CHD6: variants seen among roughly 807,000 people sequenced by gnomAD.
CHD6 encodes ATP-dependent chromatin remodeler CHD6.
In CHD6, 50 loss-of-function variants were observed where a neutral mutation model predicts 276.9. That is an observed-to-expected ratio of 0.18 (90% CI 0.14 to 0.23). The LOEUF is 0.23. Among genes scored for constraint, CHD6 ranks in the 10% least tolerant of loss-of-function variants. CHD6 has a pLI of 1.00. For synonymous variants in CHD6, 1,173 were observed against 1,229.3 expected (o/e 0.95, Z 0.96); for missense variants, 2,564 against 3,365.8 (o/e 0.76, Z 5.89).
intron 25 of CHD6, among the ~76,000 whole-genome samples, chr20:41,441,983 A>G (rs1296683929): frequency 6.6e-6 from 1 of 152,264 alleles, no homozygotes; most frequent in Admixed American, 6.5e-5. Flanking sequence ...TGAGCTGTCA[A>G]GAGCATAATT....
At chr20:41,538,507 C>T (rs1218042956) in intron 2 of CHD6, among the ~76,000 whole-genome samples, 1 of 152,130 alleles carries the variant, frequency 6.6e-6, no homozygotes, top group Non-Finnish European at 1.5e-5. Context: ...AAAAAACGAA[C>T]TCAAAGAGAC....
Position 41,473,704 on chromosome 20 carries a change from T to C in CHD6, c.2469-187A>G, listed in dbSNP as rs1431081295. ...AGCAGGGCAGACACTTAAAACTGTA[T>C]TGCAAAATGCCCCCCTCTCAAAACA... is the stretch of plus-strand genomic sequence containing the variant. On this transcript the variant is annotated intron_variant, in intron 16 of 36. Coordinates refer to ENST00000373233, the MANE Select transcript of CHD6 (RefSeq NM_032221.5). The surrounding 1 kb of genome is among the most constrained non-coding windows in gnomAD (Gnocchi z 4.1). Among the ~76,000 whole-genome samples the C allele has an allele frequency of 2.0e-5, 3 of 151,806 alleles. No individual in the cohort carries two copies. The highest frequency in any genetic ancestry group is 2.0e-4 in the Admixed American group (3 of 15,234).
At chr20:41,517,572 T>G (rs1205846633) in intron 3 of CHD6, among the ~76,000 whole-genome samples, 3 of 152,252 alleles carry the variant, frequency 2.0e-5, no homozygotes, top group Admixed American at 2.0e-4. Flanking sequence ...CTTCCTTTTC[T>G]TATCAGTTCA....
chr20:41,600,434 G>T (rs8117339), intron 1 of CHD6, among the ~76,000 whole-genome samples: 3 of 151,828 alleles, frequency 2.0e-5, no homozygotes, highest in Admixed American at 6.6e-5. Context: ...GTAGAGTGAG[G>T]GGGGGGTCTT....
At chr20:41,547,841 C>A in intron 2 of CHD6, 1 of 438,274 alleles carries the variant, frequency 2.3e-6, no homozygotes, top group Non-Finnish European at 4.5e-6. Flanking sequence ...ACTGCCCAGT[C>A]TGTGTCTGCA....
At chr20:41,537,604 G>T (rs1457520010) in intron 2 of CHD6, among the ~76,000 whole-genome samples, 2 of 151,892 alleles carry the variant, frequency 1.3e-5, no homozygotes, top group African/African-American at 4.8e-5. Flanking sequence ...ATCAGATAAG[G>T]GTCTAGTGTC....
chr20:41,608,649 A>C (rs1174426570), intron 1 of CHD6, among the ~76,000 whole-genome samples: 1 of 152,218 alleles, frequency 6.6e-6, no homozygotes, highest in African/African-American at 2.4e-5. Context: ...AAATATTTAC[A>C]TGACTAGGAC....
intron 24 of CHD6, 105 bp downstream of exon 24, chr20:41,447,777 G>A: frequency 1.4e-6 from 1 of 696,952 alleles, no homozygotes; most frequent in Non-Finnish European, 2.5e-6. Context: ...CAGGGGGTAG[G>A]AGGAACATGG....
At chr20:41,443,941 G>T (rs749384804) in intron 25 of CHD6, among the ~76,000 whole-genome samples, 6 of 152,166 alleles carry the variant, frequency 3.9e-5, no homozygotes, top group Non-Finnish European at 5.9e-5. Flanking sequence ...GTGTTGGGGT[G>T]GGGGAGGAAG....
At chr20:41,562,531 C>T (rs1013262219) in intron 1 of CHD6, among the ~76,000 whole-genome samples, 2 of 151,718 alleles carry the variant, frequency 1.3e-5, no homozygotes, top group Non-Finnish European at 2.9e-5. Context: ...TTTAGATGCC[C>T]AAAAGTTTTC....
At chr20:41,616,853 T>C (rs73613233) in intron 1 of CHD6, among the ~76,000 whole-genome samples, 3,383 of 152,236 alleles carry the variant, frequency 0.022, 46 homozygotes, top group South Asian at 0.04. Context: ...GATTTTCCAA[T>C]TTGGCTGACA....
intron 26 of CHD6, 72 bp downstream of exon 26, chr20:41,439,928 G>A: frequency 6.6e-7 from 1 of 1,506,696 alleles, no homozygotes; most frequent in Non-Finnish European, 9.2e-7. Context: ...AAGAGTGCTG[G>A]GTTTATGAGG....
At chr20:41,420,066 C>T (rs904033457) in intron 31 of CHD6, among the ~76,000 whole-genome samples, 1 of 152,284 alleles carries the variant, frequency 6.6e-6, no homozygotes, top group Non-Finnish European at 1.5e-5. Context: ...TTTTTGCTCA[C>T]CTTAACAAAG....
chr20:41,432,732 G>A (rs1251995160), intron 27 of CHD6, among the ~76,000 whole-genome samples: 1 of 151,856 alleles, frequency 6.6e-6, no homozygotes, highest in Non-Finnish European at 1.5e-5. Context: ...ACCTCAAACT[G>A]AATGAAAAAA....
At chr20:41,564,850 T>C (rs1275061114) in intron 1 of CHD6, among the ~76,000 whole-genome samples, 2 of 152,210 alleles carry the variant, frequency 1.3e-5, no homozygotes, top group African/African-American at 4.8e-5. Context: ...GCTCTCAAAA[T>C]GCCTGGCTAG....
In CHD6 at chr20:41,567,918, G is replaced by A. The variant is rs2146201514; in HGVS notation, c.-23-16558C>T. Among the ~76,000 whole-genome samples, 2 of 152,278 alleles carry A rather than the reference G, an allele frequency of 1.3e-5. 1 individual carries two copies. Among genetic ancestry groups the A allele is most frequent in the South Asian group, 4.1e-4 (2 of 4,824 alleles). ...AACCTCTCCCTGTAACTACACAGAT[G>A]TCTACAGCATGAGTGACTGGATGGA... On this transcript the variant is annotated intron_variant, in intron 1 of 36. Transcript: ENST00000373233.
intron 23 of CHD6, among the ~76,000 whole-genome samples, chr20:41,448,960 G>A (rs1486456056): frequency 6.6e-6 from 1 of 150,590 alleles, no homozygotes. Flanking sequence ...GGAGTGCAAT[G>A]GCGCGATCTT....
intron 25 of CHD6, among the ~76,000 whole-genome samples, chr20:41,441,215 G>C (rs1239910341): frequency 2.0e-5 from 3 of 152,166 alleles, no homozygotes; most frequent in Non-Finnish European, 4.4e-5. Context: ...AGCAGAACCT[G>C]TATCTGTTTT....
In CHD6 at chr20:41,533,152, G is replaced by A. The variant is rs745593837; in HGVS notation, c.452C>T (p.Ala151Val). 4 of 1,614,016 alleles carry A rather than the reference G, an allele frequency of 2.5e-6. No homozygotes were observed. Among genetic ancestry groups the A allele is most frequent in the Admixed American group, 1.7e-5 (1 of 60,006 alleles). ...EHKEPKQKDG[A>V]KKARKPREAS... ...CTCCCGGGGCTTCCGTGCCTTCTTT[G>A]CCCCATCTTTTTGCTTCGGCTCCTT... The change falls in exon 3 of 37, where the codon GCA becomes GTA. Residue 151 changes from alanine (A) to valine (V), a missense_variant. This residue lies in a region of CHD6 where 286 missense variants were observed against 297.8 expected (regional missense o/e 0.96). Transcript: ENST00000373233.
Sources: allele counts gnomAD v4.1 joint callset (sites outside exome capture counted in the v4.1 genomes callset), GRCh38; gene constraint gnomAD v4.1.1; regional missense constraint gnomAD v4.1.1; non-coding constraint Gnocchi (gnomAD v3.1); transcripts MANE v1.5; gene names NCBI Gene and HGNC (gene_info 2026-07-23, HGNC 2026-07-21).